Variants in GNG7 observed in about 807,000 individuals in gnomAD.
GNG7 encodes guanine nucleotide-binding protein G(I)/G(S)/G(O) subunit gamma-7.
GNG7 carries 1 observed loss-of-function variant against 4.0 expected under a neutral mutation model. That is an observed-to-expected ratio of 0.25 (90% CI 0.09 to 1.18). The LOEUF (loss-of-function observed/expected upper bound fraction) is 1.18, where lower values mean the gene tolerates loss of function less well. Among genes scored for constraint, GNG7 ranks in the 50% most tolerant of loss-of-function variants. GNG7 has a pLI of 0.50. For missense variants in GNG7, 86 were observed against 91.9 expected (o/e 0.94, Z 0.26); for synonymous variants, 34 against 36.9 (o/e 0.92, Z 0.29).
chr19:2,633,454 C>T lies in GNG7; in HGVS notation c.-78+12770G>A, dbSNP rs1011311050. ...TTCTGTGGGAGGCTGACTGTTCAAG[C>T]GGTTGCTTAGCAACAGGCGCGCGCG... is the stretch of plus-strand genomic sequence containing the variant. On this transcript the variant is annotated intron_variant, in intron 2 of 4. Transcript: ENST00000382159. This position sits in a 1 kb window ranked among gnomAD's most constrained non-coding sequence, Gnocchi z 5.9. 6.6e-5 allele frequency among the ~76,000 whole-genome samples: 10 copies of T among 151,382 alleles called. No homozygotes were observed. The highest frequency in any genetic ancestry group is 1.3e-4 in the Non-Finnish European group (9 of 67,918).
chr19:2,565,221 C>T (rs1979863780), intron 2 of GNG7, among the ~76,000 whole-genome samples: 1 of 151,282 alleles, frequency 6.6e-6, no homozygotes, highest in South Asian at 2.1e-4. Context: ...GGCTCAAAAA[C>T]CAAAGCTGTG....
intron 2 of GNG7, among the ~76,000 whole-genome samples, chr19:2,596,129 C>T (rs879782510): frequency 5.9e-5 from 9 of 152,274 alleles, no homozygotes; most frequent in East Asian, 1.9e-4. Flanking sequence ...GAGGCCGAGG[C>T]GGGCGGATCA....
At chr19:2,672,099 G>A (rs894777235) in intron 1 of GNG7, among the ~76,000 whole-genome samples, 9 of 148,850 alleles carry the variant, frequency 6.0e-5, no homozygotes, top group Non-Finnish European at 8.9e-5. Flanking sequence ...ACCCAGTGGC[G>A]CAGTCTCAGC....
At chr19:2,642,425 G>A (rs1982532647) in intron 2 of GNG7, 1 of 306,692 alleles carries the variant, frequency 3.3e-6, no homozygotes, top group African/African-American at 2.2e-5. Flanking sequence ...GAGTGCAGTG[G>A]TGCAATCATA....
intron 2 of GNG7, among the ~76,000 whole-genome samples, chr19:2,589,371 C>CTTA (rs1980770565): frequency 9.9e-6 from 1 of 100,574 alleles, no homozygotes; most frequent in African/African-American, 3.7e-5. Context: ...TACAGGTGCA[C>CTTA]TTTTTTTTTT....
rs940018945 is a variant in GNG7 at position 2,598,464 on chromosome 19, T to C, written c.-77-43276A>G. 1.9e-4 allele frequency among the ~76,000 whole-genome samples: 28 copies of C among 151,034 alleles called. 1 individual carries two copies. Reference sequence around the variant, plus strand: ...CGAGGTCAGGAGATCGAGACCATCCTGGCTAACACGGTGAAACCCCATCTC... The same window carrying C: ...CGAGGTCAGGAGATCGAGACCATCCCGGCTAACACGGTGAAACCCCATCTC... On this transcript the variant is annotated intron_variant, in intron 2 of 4. Transcript: ENST00000382159.
At chr19:2,518,346 C>A (rs1422493330) in intron 4 of GNG7, among the ~76,000 whole-genome samples, 2 of 152,204 alleles carry the variant, frequency 1.3e-5, no homozygotes, top group African/African-American at 4.8e-5. Context: ...GGCTGGCACC[C>A]ACTCGTAAAA....
At chr19:2,541,006 G>A (rs958362621) in intron 3 of GNG7, among the ~76,000 whole-genome samples, 6 of 152,258 alleles carry the variant, frequency 3.9e-5, no homozygotes, top group Non-Finnish European at 5.9e-5. Flanking sequence ...AGAGCTGGCC[G>A]GGGCGGCCTG....
chr19:2,545,248 G>A (rs1979087383), intron 3 of GNG7, among the ~76,000 whole-genome samples: 1 of 152,146 alleles, frequency 6.6e-6, no homozygotes. Context: ...GGAGGCCAGG[G>A]ATACTGCTCA....
intron 3 of GNG7, among the ~76,000 whole-genome samples, chr19:2,529,341 C>T (rs8102992): frequency 0.24 from 35,805 of 152,014 alleles, 4,743 homozygotes; most frequent in South Asian, 0.32. Flanking sequence ...CTCAGCCTCC[C>T]GGAGTAGCTG....
intron 2 of GNG7, among the ~76,000 whole-genome samples, chr19:2,622,345 C>T (rs1052898195): frequency 1.3e-5 from 2 of 152,216 alleles, no homozygotes; most frequent in African/African-American, 4.8e-5. Context: ...TCCCAAAGTG[C>T]TGGGATTACA....
intron 1 of GNG7, among the ~76,000 whole-genome samples, chr19:2,655,622 A>G (rs1009169153): frequency 6.6e-6 from 1 of 151,912 alleles, no homozygotes; most frequent in Non-Finnish European, 1.5e-5. Context: ...GCGGCTCACA[A>G]GGTCAGGAGA....
intron 1 of GNG7, among the ~76,000 whole-genome samples, chr19:2,696,292 G>GAA (rs1555705039): frequency 0.012 from 1,348 of 108,582 alleles, 21 homozygotes; most frequent in African/African-American, 0.028. Context: ...AAGAGAGAGA[G>GAA]AGAAAGAAAG....
At chr19:2,654,513 T>C (rs897691911) in intron 1 of GNG7, among the ~76,000 whole-genome samples, 1 of 125,722 alleles carries the variant, frequency 8.0e-6, no homozygotes, top group Non-Finnish European at 1.7e-5. Context: ...GGGAACAGAA[T>C]CATCCCCAGA....
chr19:2,565,728 C>G (rs917057067), intron 2 of GNG7, among the ~76,000 whole-genome samples: 1 of 152,166 alleles, frequency 6.6e-6, no homozygotes, highest in African/African-American at 2.4e-5. Context: ...GCAGTTGAGA[C>G]TCCAGGTGAC....
chr19:2,539,839 C>A (rs1351357774), intron 3 of GNG7, among the ~76,000 whole-genome samples: 1 of 108,378 alleles, frequency 9.2e-6, no homozygotes, highest in African/African-American at 3.3e-5. Context: ...CACACCTCTC[C>A]TTTCTCCTTC....
chr19:2,538,599 C>T (rs1480758752), intron 3 of GNG7: 1 of 406,750 alleles, frequency 2.5e-6, no homozygotes, highest in South Asian at 1.8e-5. Flanking sequence ...CCGCTGCACT[C>T]CAGCCTGGGC....
At chr19:2,542,282 C>G (rs1434470116) in intron 3 of GNG7, among the ~76,000 whole-genome samples, 1 of 151,676 alleles carries the variant, frequency 6.6e-6, no homozygotes, top group Non-Finnish European at 1.5e-5. Context: ...ATCCAGCTAA[C>G]TTTTGTATTT....
At chr19:2,554,850 T>C (rs1979498571) in intron 3 of GNG7, among the ~76,000 whole-genome samples, 1 of 152,194 alleles carries the variant, frequency 6.6e-6, no homozygotes, top group African/African-American at 2.4e-5. Flanking sequence ...CCACTGCACC[T>C]GGCTATTTTT....
Sources: gnomAD v4.1 joint callset for allele counts (sites outside exome capture counted in the v4.1 genomes callset) on GRCh38, gnomAD v4.1.1 for gene constraint, Gnocchi (gnomAD v3.1) non-coding constraint, MANE v1.5 for transcripts, NCBI Gene and HGNC (gene_info 2026-07-23, HGNC 2026-07-21) for gene names.